The following DMD variants were observed in gnomAD, a reference collection of about 807,000 sequenced individuals.
The protein encoded by DMD is dystrophin.
DMD carries 63 observed loss-of-function variants against 330.1 expected under a neutral mutation model. That is an observed-to-expected ratio of 0.19 (90% CI 0.16 to 0.24). The LOEUF (loss-of-function observed/expected upper bound fraction) is 0.24, where lower values mean the gene tolerates loss of function less well. Ranked by LOEUF, DMD falls within the 10% of genes least tolerant of loss-of-function variation. The probability of loss-of-function intolerance (pLI) is 1.00; values close to 1 mark genes in which losing one functional copy is unlikely to be tolerated. For synonymous variants in DMD, 1,223 were observed against 959.8 expected (o/e 1.27, Z -5.07); for missense variants, 3,344 against 2,684.1 (o/e 1.25, Z -5.43).
chrX:31,605,233 G>C (rs1875432316), intron 55 of DMD, among the ~76,000 whole-genome samples: 1 of 111,639 alleles, frequency 9.0e-6, no homozygotes, highest in Non-Finnish European at 1.9e-5. Context: ...TTCAGTAAAT[G>C]ACAGTTGCCA....
At chrX:32,960,916 T>TTA (rs376794270) in intron 2 of DMD, among the ~76,000 whole-genome samples, 1 of 68,694 alleles carries the variant, frequency 1.5e-5, no homozygotes, top group Non-Finnish European at 2.7e-5. Flanking sequence ...GCACCATTTG[T>TTA]AAAAAAAAAA....
chrX:31,166,838 T>G (rs1435877873), intron 74 of DMD, among the ~76,000 whole-genome samples: 1 of 111,827 alleles, frequency 8.9e-6, no homozygotes, highest in Non-Finnish European at 1.9e-5. Flanking sequence ...AGGAAGCTCA[T>G]CCTGATCATT....
intron 55 of DMD, among the ~76,000 whole-genome samples, chrX:31,624,088 G>C (rs1244310317): frequency 8.9e-6 from 1 of 111,748 alleles, no homozygotes; most frequent in Non-Finnish European, 1.9e-5. Context: ...GTTTTGGATA[G>C]AGAAATAATC....
intron 9 of DMD, among the ~76,000 whole-genome samples, chrX:32,669,275 C>T (rs2061493226): frequency 9.0e-6 from 1 of 111,591 alleles, no homozygotes; most frequent in Non-Finnish European, 1.9e-5. Flanking sequence ...CACAAGTATA[C>T]TTCTAAAACA....
intron 2 of DMD, among the ~76,000 whole-genome samples, chrX:32,875,714 T>G (rs1278759946): frequency 8.9e-6 from 1 of 112,079 alleles, no homozygotes; most frequent in Non-Finnish European, 1.9e-5. Flanking sequence ...CAAGTAAATT[T>G]CAATTCAATC....
In DMD at chrX:31,951,144, T is replaced by TATATATAC. The variant is rs1569521268; in HGVS notation, c.6614+17194_6614+17195insGTATATAT. 2.7e-3 allele frequency among the ~76,000 whole-genome samples: 163 copies of TATATATAC among 59,631 alleles called. 3 individuals carry two copies. Among genetic ancestry groups the TATATATAC allele is most frequent in the African/African-American group, 0.012 (131 of 10,760 alleles). The allele number at this position is 59,631 out of a possible 115,157, so 51.8% of individuals were successfully genotyped here. ...ATACATATATATATATATATATGTG[T>TATATATAC]ATATATATATATATGTATATATATA... On this transcript the variant is annotated intron_variant, in intron 45 of 78. Coordinates refer to ENST00000357033, the MANE Select transcript of DMD (RefSeq NM_004006.3).
At chrX:31,310,171 G>A (rs1306903491) in intron 62 of DMD, among the ~76,000 whole-genome samples, 2 of 83,184 alleles carry the variant, frequency 2.4e-5, no homozygotes, top group East Asian at 7.9e-4. Context: ...TTTCCTCTTC[G>A]TTGTCCTCTC....
intron 44 of DMD, among the ~76,000 whole-genome samples, chrX:32,068,656 T>C (rs1208856236): frequency 1.8e-5 from 2 of 110,822 alleles, no homozygotes; most frequent in Non-Finnish European, 3.8e-5. Context: ...ACCTGTTCAA[T>C]GCCCTAAAAA....
At chrX:32,894,944 T>G (rs5928103) in intron 2 of DMD, among the ~76,000 whole-genome samples, 1 of 111,837 alleles carries the variant, frequency 8.9e-6, no homozygotes, top group African/African-American at 3.3e-5. Context: ...CAACAGAAAT[T>G]TATTTTCTCA....
At chrX:32,279,409 C>T (rs781720618) in intron 43 of DMD, among the ~76,000 whole-genome samples, 2 of 111,427 alleles carry the variant, frequency 1.8e-5, no homozygotes, top group Non-Finnish European at 3.8e-5. Context: ...TGGAAGCAAC[C>T]TGAGCGTCCA....
chrX:31,627,480 G>A (rs983230106), intron 55 of DMD, among the ~76,000 whole-genome samples, 193 bp downstream of exon 55: 2 of 111,792 alleles, frequency 1.8e-5, no homozygotes, highest in African/African-American at 6.5e-5. Flanking sequence ...CTAAGACGAG[G>A]GTGTTAAGTG....
chrX:31,545,949 C>T (rs972646486), intron 55 of DMD, among the ~76,000 whole-genome samples: 1 of 112,114 alleles, frequency 8.9e-6, no homozygotes. Flanking sequence ...AGAGGTGACT[C>T]AGCTAGAATG....
rs184397158 is a variant in DMD at position 33,018,538 on chromosome X, C to G, written c.93+1601G>C. Among the ~76,000 whole-genome samples, 58 of 111,418 alleles carry G rather than the reference C, an allele frequency of 5.2e-4. No homozygotes were observed. The South Asian group carries it at 9.6e-3, about 19-fold the overall frequency. ...TAATGGAAAAGGTTAATGCACAGAG[C>G]GAAGATCTATTTCAACTTGCGGGAA... is the stretch of plus-strand genomic sequence containing the variant. On this transcript the variant is annotated intron_variant, in intron 2 of 78. Transcript: ENST00000357033.
At chrX:31,606,752 T>C (rs1383001979) in intron 55 of DMD, among the ~76,000 whole-genome samples, 1 of 112,442 alleles carries the variant, frequency 8.9e-6, no homozygotes, top group Non-Finnish European at 1.9e-5. Context: ...TTGACTTTTT[T>C]GTATCAGTTG....
intron 18 of DMD, among the ~76,000 whole-genome samples, chrX:32,507,773 T>A (rs1350078005): frequency 7.2e-5 from 8 of 111,708 alleles, no homozygotes; most frequent in Admixed American, 5.7e-4. Flanking sequence ...TTTCCATATG[T>A]ATGTCATAAT....
chrX:32,236,487 C>T (rs1188265943), intron 43 of DMD, among the ~76,000 whole-genome samples: 2 of 111,803 alleles, frequency 1.8e-5, no homozygotes, highest in Admixed American at 1.9e-4. Flanking sequence ...GTGTCCCCAC[C>T]CAAATCTCAT....
rs2070792939 is a variant in DMD, at chrX:32,751,415, C to T, written c.650-52122G>A. On this transcript the variant is annotated intron_variant, in intron 7 of 78. Transcript: ENST00000357033. ...AGACTGGGAGCATTTTGCTCCTGCC[C>T]TAGAGTTATAGGGAACTTTGAGCTT... 2.7e-5 allele frequency among the ~76,000 whole-genome samples: 3 copies of T among 111,453 alleles called. No homozygotes were observed. In the Admixed American group the frequency reaches 2.9e-4, roughly 11 times the overall value.
intron 5 of DMD, among the ~76,000 whole-genome samples, chrX:32,819,381 T>A (rs902246000): frequency 9.0e-6 from 1 of 111,157 alleles, no homozygotes; most frequent in African/African-American, 3.3e-5. Context: ...TGGACCTGAC[T>A]TCTGATAGCT....
chrX:32,036,979 A>G (rs778244607), intron 44 of DMD, among the ~76,000 whole-genome samples: 9 of 111,614 alleles, frequency 8.1e-5, no homozygotes, highest in Non-Finnish European at 1.7e-4. Context: ...GTCCTTGATG[A>G]GAGTACCTCC....
Sources: allele counts gnomAD v4.1 joint callset (sites outside exome capture counted in the v4.1 genomes callset), GRCh38; gene constraint gnomAD v4.1.1; transcripts MANE v1.5; gene names NCBI Gene and HGNC (gene_info 2026-07-23, HGNC 2026-07-21).